The following DNAJC1 variants were observed in gnomAD, a reference collection of about 807,000 sequenced individuals.
DNAJC1 encodes the protein DnaJ heat shock protein family (Hsp40) member C1.
In DNAJC1, 58 loss-of-function variants were observed where a neutral mutation model predicts 76.6. The ratio of observed to expected loss-of-function variants is 0.76; its 90% CI spans 0.61 to 0.94. The LOEUF (loss-of-function observed/expected upper bound fraction) is 0.94, where lower values mean the gene tolerates loss of function less well. DNAJC1 is among the 40% of genes least tolerant of loss of function. The pLI is 0.00. For missense variants in DNAJC1, 689 were observed against 677.3 expected (o/e 1.02, Z -0.19); for synonymous variants, 258 against 267.9 (o/e 0.96, Z 0.36).
chr10:21,952,793 G>A (rs564812172), intron 1 of DNAJC1, among the ~76,000 whole-genome samples: 2 of 152,106 alleles, frequency 1.3e-5, no homozygotes, highest in South Asian at 2.1e-4. Context: ...ATAAAGACAG[G>A]GTCTCGCATA....
chr10:21,770,775 T>C (rs1834365141), intron 9 of DNAJC1, among the ~76,000 whole-genome samples: 1 of 152,176 alleles, frequency 6.6e-6, no homozygotes, highest in South Asian at 2.1e-4. Context: ...AGTTCTCCCA[T>C]TCTTTGGGTT....
chr10:21,942,589 G>C (rs1199986839), intron 1 of DNAJC1, among the ~76,000 whole-genome samples: 5 of 152,042 alleles, frequency 3.3e-5, no homozygotes, highest in Middle Eastern at 3.4e-3. Context: ...GGCAGATCAC[G>C]AGGTAAGGAG....
At chr10:21,859,854 G>A (rs1342025506) in intron 8 of DNAJC1, among the ~76,000 whole-genome samples, 1 of 151,990 alleles carries the variant, frequency 6.6e-6, no homozygotes, top group African/African-American at 2.4e-5. Context: ...CACGATCTCA[G>A]CTCACTGCAA....
intron 8 of DNAJC1, among the ~76,000 whole-genome samples, chr10:21,826,438 G>T (rs1457356355): frequency 6.6e-6 from 1 of 152,062 alleles, no homozygotes; most frequent in African/African-American, 2.4e-5. Flanking sequence ...TTATAGGCAT[G>T]AGCCACTGTA....
At chr10:21,984,686 CT>C (rs1245744758) in intron 1 of DNAJC1, among the ~76,000 whole-genome samples, 4 of 152,180 alleles carry the variant, frequency 2.6e-5, no homozygotes, top group African/African-American at 4.8e-5. Context: ...GAAATTTCAG[CT>C]TTCAGCATTA....
At chr10:21,847,077 T>C (rs954904401) in intron 8 of DNAJC1, among the ~76,000 whole-genome samples, 4 of 152,146 alleles carry the variant, frequency 2.6e-5, no homozygotes, top group Admixed American at 6.5e-5. Context: ...TCTAGCTGTT[T>C]AGCTCTTATT....
intron 9 of DNAJC1, among the ~76,000 whole-genome samples, chr10:21,776,198 T>C (rs771305121): frequency 6.6e-6 from 1 of 152,166 alleles, no homozygotes; most frequent in Non-Finnish European, 1.5e-5. Flanking sequence ...ATGAAAACTA[T>C]AGTTCACAGG....
chr10:21,930,381 GCTGA>G (rs756062580), intron 1 of DNAJC1, among the ~76,000 whole-genome samples: 4 of 152,284 alleles, frequency 2.6e-5, no homozygotes, highest in Admixed American at 6.5e-5. Flanking sequence ...TCATTTGATA[GCTGA>G]CTGTCTAATT....
At position 21,810,150 on chromosome 10, in the gene DNAJC1, G is replaced by A. The variant is rs371698438; in HGVS notation, c.979-4051C>T. Among the ~76,000 whole-genome samples the A allele has an allele frequency of 3.9e-4, 59 of 152,184 alleles. 1 individual carries two copies. The South Asian group carries it at 0.012, about 31-fold the overall frequency. Reference sequence around the variant, plus strand: ...TGTGAATTTGGGGGCACACAATTCCGTTCAGAATAGGCAGGACACAAAAAA... The same window carrying A: ...TGTGAATTTGGGGGCACACAATTCCATTCAGAATAGGCAGGACACAAAAAA... On this transcript the variant is annotated intron_variant, in intron 8 of 11. Coordinates refer to ENST00000376980, the MANE Select transcript of DNAJC1 (RefSeq NM_022365.4).
chr10:21,786,289 C>T (rs940142653), intron 9 of DNAJC1, among the ~76,000 whole-genome samples: 1 of 151,684 alleles, frequency 6.6e-6, no homozygotes. Flanking sequence ...CCAGATCATA[C>T]ATTAAGAAGA....
intron 7 of DNAJC1, among the ~76,000 whole-genome samples, chr10:21,897,325 C>T (rs1836558984): frequency 6.6e-6 from 1 of 151,760 alleles, no homozygotes. Flanking sequence ...TATTAATACA[C>T]CAAAAATGAA....
chr10:21,851,346 G>T (rs1208144671), intron 8 of DNAJC1, among the ~76,000 whole-genome samples: 2 of 152,010 alleles, frequency 1.3e-5, no homozygotes, highest in Non-Finnish European at 2.9e-5. Flanking sequence ...ACAACAAATG[G>T]CCAAAAAACA....
intron 1 of DNAJC1, among the ~76,000 whole-genome samples, chr10:21,998,061 A>T (rs1838447152): frequency 6.6e-6 from 1 of 152,144 alleles, no homozygotes; most frequent in South Asian, 2.1e-4. Context: ...CTGTATACAA[A>T]GGATAAGGAA....
intron 5 of DNAJC1, among the ~76,000 whole-genome samples, chr10:21,919,205 A>C (rs1447306408): frequency 3.3e-5 from 5 of 151,990 alleles, no homozygotes; most frequent in African/African-American, 1.2e-4. Flanking sequence ...CTTAAGCCTT[A>C]TGATTACTTC....
chr10:21,914,872 T>C (rs930671318), intron 6 of DNAJC1, among the ~76,000 whole-genome samples: 12 of 152,196 alleles, frequency 7.9e-5, no homozygotes, highest in African/African-American at 2.7e-4. Context: ...CTTTTTAGTT[T>C]TCTTTGGTCA....
intron 8 of DNAJC1, among the ~76,000 whole-genome samples, chr10:21,839,528 A>AC (rs1215988282): frequency 6.6e-6 from 1 of 152,256 alleles, no homozygotes; most frequent in Non-Finnish European, 1.5e-5. Context: ...CTTGACACCT[A>AC]CATCCTCCCA....
At chr10:21,765,381 G>A (rs1834287846) in intron 10 of DNAJC1, among the ~76,000 whole-genome samples, 1 of 152,060 alleles carries the variant, frequency 6.6e-6, no homozygotes, top group Admixed American at 6.6e-5. Context: ...GGCTTTTTGA[G>A]ATCTCTGGGT....
intron 8 of DNAJC1, among the ~76,000 whole-genome samples, chr10:21,853,434 C>T (rs959007538): frequency 6.6e-6 from 1 of 151,944 alleles, no homozygotes; most frequent in Non-Finnish European, 1.5e-5. Flanking sequence ...GTAAACTGAC[C>T]ACGTTTATGG....
intron 8 of DNAJC1, among the ~76,000 whole-genome samples, chr10:21,872,798 T>C: frequency 6.6e-6 from 1 of 152,092 alleles, no homozygotes; most frequent in East Asian, 1.9e-4. Context: ...CTTCCAAAAT[T>C]TGAAGCTCAA....
Sources: allele counts gnomAD v4.1 joint callset (sites outside exome capture counted in the v4.1 genomes callset), GRCh38; gene constraint gnomAD v4.1.1; transcripts MANE v1.5; gene names NCBI Gene and HGNC (gene_info 2026-07-23, HGNC 2026-07-21).